The following GALNT2 variants were observed in gnomAD, a reference collection of about 807,000 sequenced individuals.
The protein encoded by GALNT2 is polypeptide N-acetylgalactosaminyltransferase 2, also known as UDP-GalNAc:polypeptide N-acetylgalactosaminyltransferase 2.
In GALNT2, 31 loss-of-function variants were observed where a neutral mutation model predicts 81.4. The ratio of observed to expected loss-of-function variants is 0.38; its 90% CI spans 0.29 to 0.51. The LOEUF is 0.51. Among genes scored for constraint, GALNT2 ranks in the 20% least tolerant of loss-of-function variants. GALNT2 has a pLI of 0.87. For synonymous variants in GALNT2, 303 were observed against 287.4 expected (o/e 1.05, Z -0.55); for missense variants, 629 against 765.7 (o/e 0.82, Z 2.11).
intron 1 of GALNT2, among the ~76,000 whole-genome samples, chr1:230,167,321 A>T (rs1352149647): frequency 6.6e-6 from 1 of 151,788 alleles, no homozygotes; most frequent in Non-Finnish European, 1.5e-5. Context: ...AATTTTTAAA[A>T]TTTTTTGTAG....
intron 1 of GALNT2, among the ~76,000 whole-genome samples, chr1:230,067,609 C>T (rs1659237157): frequency 6.6e-6 from 1 of 151,972 alleles, no homozygotes; most frequent in African/African-American, 2.4e-5. Context: ...TCCGAAAGGG[C>T]GGCCCCCGCA....
At chr1:230,109,061 A>C (rs570717855) in intron 1 of GALNT2, among the ~76,000 whole-genome samples, 3 of 152,234 alleles carry the variant, frequency 2.0e-5, no homozygotes, top group Non-Finnish European at 4.4e-5. Flanking sequence ...TAGATGGACT[A>C]TCCTACTCTT....
At chr1:230,236,279 A>G (rs3811487) in intron 4 of GALNT2, 74 bp from the exon 5 acceptor site, 62,358 of 1,488,176 alleles carry the variant, frequency 0.042, 3,870 homozygotes, top group African/African-American at 0.25. Context: ...CCAACATATG[A>G]GAATTTTCTA....
At chr1:230,180,296 CTTTTTT>C (rs56786141) in intron 2 of GALNT2, among the ~76,000 whole-genome samples, 73 of 70,596 alleles carry the variant, frequency 1.0e-3, no homozygotes, top group Admixed American at 2.4e-3. Flanking sequence ...TGTCTAGGTT[CTTTTTT>C]TTTTTTTTTT....
At chr1:230,118,139 A>G (rs558566318) in intron 1 of GALNT2, among the ~76,000 whole-genome samples, 11 of 152,300 alleles carry the variant, frequency 7.2e-5, no homozygotes, top group African/African-American at 2.4e-4. Context: ...TATGTATTTA[A>G]GGTTCTTCCA....
chr1:230,145,772 G>T (rs1661897341), intron 1 of GALNT2, among the ~76,000 whole-genome samples: 1 of 152,382 alleles, frequency 6.6e-6, no homozygotes, highest in East Asian at 1.9e-4. Flanking sequence ...CTTGGTGGCA[G>T]TGGTTCCATC....
intron 1 of GALNT2, among the ~76,000 whole-genome samples, chr1:230,137,938 T>G (rs966428401): frequency 6.6e-6 from 1 of 152,218 alleles, no homozygotes; most frequent in East Asian, 1.9e-4. Context: ...AGGTTCTTAG[T>G]TTTGATTTGT....
At chr1:230,139,225 A>G (rs1301535634) in intron 1 of GALNT2, among the ~76,000 whole-genome samples, 1 of 152,128 alleles carries the variant, frequency 6.6e-6, no homozygotes, top group East Asian at 1.9e-4. Context: ...CCCATTTCAG[A>G]GATTTATATT....
At chr1:230,075,195 G>A (rs1031749026) in intron 1 of GALNT2, among the ~76,000 whole-genome samples, 1 of 129,504 alleles carries the variant, frequency 7.7e-6, no homozygotes, top group Non-Finnish European at 1.6e-5. Flanking sequence ...GCACAATCTC[G>A]GCTCACTGCA....
At position 230,094,884 on chromosome 1, in the gene GALNT2, C is replaced by T. The variant is rs557323508; in HGVS notation, c.126+27478C>T. Among the ~76,000 whole-genome samples, 49 of 152,194 alleles carry T rather than the reference C, an allele frequency of 3.2e-4. No individual in the cohort carries two copies. The East Asian group carries it at 7.0e-3, about 22-fold the overall frequency. On this transcript the variant is annotated intron_variant, in intron 1 of 15. Transcript: ENST00000366672. ...GATCTCCCCACGTAGAGACAGGAAG[C>T]GGATTCCGATACCTCGCCTTCCCTG...
intron 1 of GALNT2, among the ~76,000 whole-genome samples, chr1:230,091,110 C>T (rs1660061988): frequency 6.6e-6 from 1 of 151,854 alleles, no homozygotes; most frequent in African/African-American, 2.4e-5. Context: ...TCTCTGTTGC[C>T]CAGGCTGGAG....
intron 2 of GALNT2, among the ~76,000 whole-genome samples, chr1:230,194,303 AG>A (rs1336704528): frequency 1.3e-5 from 2 of 152,220 alleles, no homozygotes; most frequent in African/African-American, 4.8e-5. Context: ...TAGTCAGGAC[AG>A]TGGGCAGGGA....
rs79400208 is a variant in GALNT2 at position 230,241,802 on chromosome 1, G to A, written c.608-1504G>A. Among the ~76,000 whole-genome samples, 698 of 152,296 alleles carry A rather than the reference G, an allele frequency of 4.6e-3. 20 individuals carry two copies. In the East Asian group the frequency reaches 0.067, roughly 15 times the overall value. On this transcript the variant is annotated intron_variant, in intron 6 of 15. Coordinates refer to ENST00000366672, the MANE Select transcript of GALNT2 (RefSeq NM_004481.5). ...TGATACATAGTCTATATTCCTATGT[G>A]TGGTCTTTCTGAAGTTCCTGTAGAA...
intron 10 of GALNT2, among the ~76,000 whole-genome samples, chr1:230,254,785 A>C (rs909776487): frequency 6.6e-6 from 1 of 152,200 alleles, no homozygotes; most frequent in African/African-American, 2.4e-5. Flanking sequence ...CACGGTGTTG[A>C]TACGAAGCAA....
At chr1:230,201,560 C>T (rs1663892869) in intron 2 of GALNT2, among the ~76,000 whole-genome samples, 3 of 152,198 alleles carry the variant, frequency 2.0e-5, no homozygotes, top group Admixed American at 1.3e-4. Context: ...TATGGAGGTA[C>T]ACATGCTATT....
intron 1 of GALNT2, among the ~76,000 whole-genome samples, chr1:230,087,471 A>G (rs540125451): frequency 1.3e-5 from 2 of 152,190 alleles, no homozygotes; most frequent in East Asian, 3.9e-4. Flanking sequence ...TTACTCCCCC[A>G]TAACTGCCAG....
chr1:230,104,401 A>G (rs1262850869), intron 1 of GALNT2, among the ~76,000 whole-genome samples: 3 of 152,148 alleles, frequency 2.0e-5, no homozygotes, highest in Admixed American at 6.5e-5. Flanking sequence ...GGCCTCAAAG[A>G]GAGGCGGCTG....
intron 1 of GALNT2, among the ~76,000 whole-genome samples, chr1:230,097,232 A>G (rs186701561): frequency 7.5e-4 from 114 of 152,212 alleles, no homozygotes; most frequent in Non-Finnish European, 1.3e-4. Flanking sequence ...AGCCAAATAT[A>G]TTTCCTTATT....
intron 8 of GALNT2, among the ~76,000 whole-genome samples, chr1:230,248,629 T>C (rs76188477): frequency 0.02 from 3,022 of 152,342 alleles, 60 homozygotes; most frequent in South Asian, 0.1. Flanking sequence ...TTTGCCCAGC[T>C]TGGCAACTTC....
Sources: allele counts gnomAD v4.1 joint callset (sites outside exome capture counted in the v4.1 genomes callset), GRCh38; gene constraint gnomAD v4.1.1; transcripts MANE v1.5; gene names NCBI Gene and HGNC (gene_info 2026-07-23, HGNC 2026-07-21).